BTG4: variants seen among roughly 807,000 people sequenced by gnomAD.
BTG4 encodes BTG anti-proliferation factor 4, also known as protein BTG4.
Under a neutral mutation model 19.3 loss-of-function variants are expected in BTG4, and 10 were observed. The observed-to-expected ratio is 0.52, with a 90% CI of 0.32 to 0.88. BTG4 has a LOEUF of 0.88. Ranked by LOEUF, BTG4 falls within the 40% of genes least tolerant of loss-of-function variation. BTG4 has a pLI of 0.04. For missense variants in BTG4, 238 were observed against 281.9 expected (o/e 0.84, Z 1.11); for synonymous variants, 91 against 95.7 (o/e 0.95, Z 0.29).
chr11:111,495,247 C>A lies in BTG4; in HGVS notation c.578G>T (p.Gly193Val). ...QIPRKKNVVDGRVGLLGNTYH... is the reference protein window; with the variant it reads ...QIPRKKNVVDVRVGLLGNTYH... ...AGTGTTTCCCAGGAGGCCAACACGG[C>A]CGTCCACCACATTCTTTTTGCGGGG... Residue 193 changes from glycine (G) to valine (V), a missense_variant, in exon 5 of 5, where the codon GGC becomes GTC. Transcript: ENST00000692032. 2 of 1,612,228 alleles carry A rather than the reference C, an allele frequency of 1.2e-6. No individual in the cohort carries two copies. The highest frequency in any genetic ancestry group is 1.7e-6 in the Non-Finnish European group (2 of 1,179,350).
chr11:111,505,247 T>C (rs1178906910), intron 1 of BTG4, among the ~76,000 whole-genome samples: 6 of 152,026 alleles, frequency 3.9e-5, no homozygotes, highest in Admixed American at 1.3e-4. Context: ...TAAAATCGCA[T>C]GGTACTAGTA....
chr11:111,404,611 A>C, the BTG4 span: 1 of 456,128 alleles, frequency 2.2e-6, no homozygotes, highest in African/African-American at 2.0e-5. Flanking sequence ...CCCCACATTG[A>C]CTTACCTACC....
chr11:111,434,127 A>G, the BTG4 span, among the ~76,000 whole-genome samples: 3 of 152,246 alleles, frequency 2.0e-5, no homozygotes, highest in East Asian at 1.9e-4. Context: ...ACTATTCACA[A>G]TAGCAAAGAC....
intron 5 of BTG4, among the ~76,000 whole-genome samples, chr11:111,468,837 G>A (rs1011898180): frequency 2.6e-5 from 4 of 152,154 alleles, no homozygotes; most frequent in Admixed American, 1.3e-4. Flanking sequence ...GATGGGTCTC[G>A]AGAACAGAAT....
At position 111,494,851 on chromosome 11, in the gene BTG4, T is replaced by C. The variant is rs1865621851; in HGVS notation, c.*284A>G. The C allele has an allele frequency of 1.0e-6, 1 of 973,096 alleles. No individual in the cohort carries two copies. The highest frequency in any genetic ancestry group is 1.2e-6 in the Non-Finnish European group (1 of 818,718). 60.3% of individuals were successfully genotyped at this position (973,096 alleles called of 1,614,324 possible). On this transcript the variant is annotated 3_prime_UTR_variant, in exon 5 of 5. Coordinates refer to ENST00000692032, the MANE Select transcript of BTG4 (RefSeq NM_001367975.1). ...CTGTACGTTTATTTAAACCATTACT[T>C]TTCATAATTCATTGAGTCTTATTAG...
chr11:111,513,457 T>A (rs1262116870), upstream of BTG4: 1 of 534,540 alleles, frequency 1.9e-6, no homozygotes, highest in Non-Finnish European at 3.8e-6. Flanking sequence ...TACTAGGCAG[T>A]GTAGTTAGCT....
rs533540949 is a variant in BTG4, at chr11:111,495,236, G to C, written c.589C>G (p.Leu197Val). Residue 197 changes from leucine to valine, a missense_variant, in exon 5 of 5, where the codon CTC becomes GTC. Leu to Val is a conservative substitution (Grantham distance 32). Transcript: ENST00000692032. ...GAGCCATGGTAAGTGTTTCCCAGGAGGCCAACACGGCCGTCCACCACATTC... is the reference window on the plus strand; with the variant it reads ...GAGCCATGGTAAGTGTTTCCCAGGACGCCAACACGGCCGTCCACCACATTC... ...KKNVVDGRVG[L>V]LGNTYHGSQK... The C allele has an allele frequency of 7.6e-5, 123 of 1,612,740 alleles. No individual in the cohort carries two copies. The South Asian group carries it at 1.3e-3, about 17-fold the overall frequency.
the BTG4 span, among the ~76,000 whole-genome samples, chr11:111,395,156 G>A: frequency 6.6e-6 from 1 of 152,224 alleles, no homozygotes; most frequent in East Asian, 1.9e-4. Flanking sequence ...GGTGGGCTTG[G>A]CCATCCAGCA....
At chr11:111,446,691 A>G in the BTG4 span, among the ~76,000 whole-genome samples, 118 of 151,282 alleles carry the variant, frequency 7.8e-4, no homozygotes, top group Non-Finnish European at 1.3e-3. Flanking sequence ...TTCTCCTTCC[A>G]CTGGACTCCT....
At chr11:111,486,019 C>T (rs76962850) in intron 5 of BTG4, among the ~76,000 whole-genome samples, 2,718 of 152,270 alleles carry the variant, frequency 0.018, 40 homozygotes, top group East Asian at 0.064. Context: ...AGACATACAA[C>T]CTGTCAAGAT....
the BTG4 span, among the ~76,000 whole-genome samples, chr11:111,451,984 G>A: frequency 6.6e-6 from 1 of 152,148 alleles, no homozygotes; most frequent in African/African-American, 2.4e-5. Flanking sequence ...GGCATTGAGC[G>A]GCTTAGGACC....
chr11:111,465,416 T>C (rs1415710157), downstream of BTG4, among the ~76,000 whole-genome samples: 3 of 152,172 alleles, frequency 2.0e-5, no homozygotes, highest in African/African-American at 7.2e-5. Flanking sequence ...AAAAGAAGAA[T>C]AAAAATTTTA....
chr11:111,488,234 T>C (rs1337553908), intron 5 of BTG4, among the ~76,000 whole-genome samples: 1 of 152,178 alleles, frequency 6.6e-6, no homozygotes, highest in South Asian at 2.1e-4. Context: ...CAAAACAGCA[T>C]GGTACTGGCA....
the BTG4 span, among the ~76,000 whole-genome samples, chr11:111,431,009 A>G: frequency 5.3e-5 from 8 of 152,252 alleles, no homozygotes; most frequent in African/African-American, 9.6e-5. Context: ...ATGGTCTCAC[A>G]TACAGTGACT....
chr11:111,412,766 C>CA, the BTG4 span, among the ~76,000 whole-genome samples: 20 of 152,006 alleles, frequency 1.3e-4, no homozygotes, highest in African/African-American at 4.3e-4. Context: ...TACAATAAGA[C>CA]AAAAAAATAA....
chr11:111,501,363 C>A (rs1193099430), intron 1 of BTG4, among the ~76,000 whole-genome samples: 1 of 151,928 alleles, frequency 6.6e-6, no homozygotes, highest in Non-Finnish European at 1.5e-5. Flanking sequence ...AGAGCAAAGA[C>A]CCTCTCTCAA....
the BTG4 span, among the ~76,000 whole-genome samples, chr11:111,441,322 G>A: frequency 1.3e-5 from 2 of 152,182 alleles, no homozygotes; most frequent in South Asian, 4.2e-4. Context: ...GTTCCCACAG[G>A]AAGGAAGGAG....
At chr11:111,428,306 C>T in the BTG4 span, among the ~76,000 whole-genome samples, 8,875 of 152,192 alleles carry the variant, frequency 0.058, 347 homozygotes, top group Middle Eastern at 0.15. Context: ...ACCCTACACC[C>T]TTCTCTATGA....
the BTG4 span, among the ~76,000 whole-genome samples, chr11:111,434,380 A>G: frequency 2.0e-5 from 3 of 152,186 alleles, no homozygotes; most frequent in South Asian, 4.1e-4. Context: ...GGAGGGGAAC[A>G]TCCCACACTG....
Sources: allele counts gnomAD v4.1 joint callset (sites outside exome capture counted in the v4.1 genomes callset), GRCh38; gene constraint gnomAD v4.1.1; transcripts MANE v1.5; gene names NCBI Gene and HGNC (gene_info 2026-07-23, HGNC 2026-07-21).